UNC13B: variants seen among roughly 807,000 people sequenced by gnomAD.
UNC13B encodes the protein unc-13 homolog B, also known as protein unc-13 homolog B.
In UNC13B, 144 loss-of-function variants were observed where a neutral mutation model predicts 211.0. The observed-to-expected ratio is 0.68, with a 90% confidence interval of 0.60 to 0.78. UNC13B has a LOEUF of 0.78. Ranked by LOEUF, UNC13B falls within the 30% of genes least tolerant of loss-of-function variation. The pLI is 0.00. For missense variants in UNC13B, 1,777 were observed against 2,002.0 expected, an observed-to-expected ratio of 0.89 and a Z score of 2.14; for synonymous variants, 709 against 725.8, an observed-to-expected ratio of 0.98 and a Z score of 0.37.
Position 35,236,529 on chromosome 9 carries a change from G to A in UNC13B, c.213G>A (p.Trp71Ter). ...AGGTATGGAACAAAGGACTGATCTG[G>A]GACACCATGGTGGGGACTGTGTGGA... ...SVEVWNKGLI[W>*]DTMVGTVWIA... The change falls in exon 4 of 40, where the codon TGG becomes TGA. Residue 71 changes from tryptophan (W) to a stop codon, truncating the protein, a stop_gained. Coordinates refer to ENST00000635942, the MANE Select transcript of UNC13B (RefSeq NM_001371189.2). LOFTEE classifies it high-confidence loss of function. The A allele has an allele frequency of 1.2e-6, 2 of 1,614,068 alleles. No individual in the cohort carries two copies. The highest frequency in any genetic ancestry group is 1.7e-6 in the Non-Finnish European group (2 of 1,179,986).
At chr9:35,228,703 AGTGTGTGTGTGT>A (rs56971215) in intron 2 of UNC13B, among the ~76,000 whole-genome samples, 4,628 of 140,528 alleles carry the variant, frequency 0.033, 87 homozygotes, top group Non-Finnish European at 0.043. Context: ...ACATCATGAA[AGTGTGTGTGTGT>A]GTGTGTGTGT....
chr9:35,396,726 G>A, intron 27 of UNC13B, 115 bp from the exon 28 acceptor site: 2 of 1,598,638 alleles, frequency 1.3e-6, no homozygotes, highest in Non-Finnish European at 1.7e-6. Flanking sequence ...CGTAGACAAA[G>A]AAAAGTGTTA....
chr9:35,267,058 A>G (rs1827619928), intron 7 of UNC13B, among the ~76,000 whole-genome samples: 1 of 152,228 alleles, frequency 6.6e-6, no homozygotes, highest in African/African-American at 2.4e-5. Context: ...AGAGAAATGC[A>G]AGAGAATGAG....
chr9:35,195,699 T>C (rs1275554594), intron 1 of UNC13B, among the ~76,000 whole-genome samples: 1 of 152,246 alleles, frequency 6.6e-6, no homozygotes, highest in Non-Finnish European at 1.5e-5. Context: ...CAGAGGGCCA[T>C]ACTGGCCCTG....
intron 8 of UNC13B, among the ~76,000 whole-genome samples, chr9:35,296,612 A>T (rs1490602082): frequency 6.6e-6 from 1 of 152,226 alleles, no homozygotes; most frequent in Non-Finnish European, 1.5e-5. Flanking sequence ...AGATTAAAAA[A>T]AATTTCAGAC....
At chr9:35,296,541 T>TTG (rs1829368182) in intron 8 of UNC13B, among the ~76,000 whole-genome samples, 1 of 152,212 alleles carries the variant, frequency 6.6e-6, no homozygotes, top group African/African-American at 2.4e-5. Flanking sequence ...TTCCATAGAC[T>TTG]GTTGTCATAT....
At chr9:35,178,732 A>G (rs1350264523) in intron 1 of UNC13B, among the ~76,000 whole-genome samples, 1 of 151,770 alleles carries the variant, frequency 6.6e-6, no homozygotes, top group Non-Finnish European at 1.5e-5. Context: ...CTCTGCTAAA[A>G]ATACTAAAAT....
intron 7 of UNC13B, among the ~76,000 whole-genome samples, chr9:35,287,368 G>T (rs1828857706): frequency 6.6e-6 from 1 of 151,970 alleles, no homozygotes; most frequent in East Asian, 1.9e-4. Context: ...CTGACCTCAG[G>T]TGATCTGCCC....
chr9:35,268,759 C>G (rs1827715401), intron 7 of UNC13B, among the ~76,000 whole-genome samples: 1 of 152,152 alleles, frequency 6.6e-6, no homozygotes, highest in South Asian at 2.1e-4. Context: ...TTCCAGATCT[C>G]TTTGTTGCAA....
intron 1 of UNC13B, among the ~76,000 whole-genome samples, chr9:35,174,998 A>G (rs1821544797): frequency 6.6e-6 from 1 of 151,920 alleles, no homozygotes; most frequent in Admixed American, 6.6e-5. Context: ...AGGTTTTGCC[A>G]TGTGGCTGAG....
chr9:35,351,951 T>C, intron 11 of UNC13B: 1 of 1,232,216 alleles, frequency 8.1e-7, no homozygotes, highest in Non-Finnish European at 1.0e-6. Flanking sequence ...TTGGGGGATG[T>C]AGTAGAATAC....
intron 7 of UNC13B, among the ~76,000 whole-genome samples, chr9:35,273,037 TATAA>T (rs1187209382): frequency 6.6e-6 from 1 of 152,244 alleles, no homozygotes; most frequent in East Asian, 1.9e-4. Context: ...CAGTATTGCC[TATAA>T]TTAGTGATCT....
chr9:35,276,519 T>G (rs1331828265), intron 7 of UNC13B, among the ~76,000 whole-genome samples: 2 of 152,190 alleles, frequency 1.3e-5, no homozygotes, highest in Non-Finnish European at 2.9e-5. Context: ...GTTAGTTTCC[T>G]CACTAATTTT....
chr9:35,381,625 G>A lies in UNC13B; in HGVS notation c.10561G>A (p.Asp3521Asn), dbSNP rs779807142. 19 of 1,614,092 alleles carry A rather than the reference G, an allele frequency of 1.2e-5. No individual in the cohort carries two copies. Among genetic ancestry groups the A allele is most frequent in the Admixed American group, 3.3e-5 (2 of 60,004 alleles). Residue 3521 changes from aspartate (D) to asparagine (N), a missense_variant, in exon 20 of 40, where the codon GAT becomes AAT. Transcript: ENST00000635942. ...GVRIPEARGD[D>N]AWKVYFDETA... ...CCGCATCCCTGAAGCTCGAGGAGAC[G>A]ATGCCTGGAAGGTGTACTTTGATGA...
chr9:35,195,578 T>C (rs544496113), intron 1 of UNC13B, among the ~76,000 whole-genome samples: 5 of 152,238 alleles, frequency 3.3e-5, no homozygotes, highest in Non-Finnish European at 7.3e-5. Flanking sequence ...ATAGCTGTTT[T>C]GTTAAATCTT....
intron 6 of UNC13B, among the ~76,000 whole-genome samples, chr9:35,245,921 G>A (rs369528370): frequency 4.2e-4 from 64 of 152,122 alleles, no homozygotes; most frequent in Admixed American, 4.0e-3. Flanking sequence ...CTGAGGAATC[G>A]CCACACTGTA....
intron 1 of UNC13B, among the ~76,000 whole-genome samples, chr9:35,207,939 A>G (rs1011675312): frequency 1.3e-5 from 2 of 152,214 alleles, no homozygotes; most frequent in Non-Finnish European, 2.9e-5. Flanking sequence ...AAGAGTTTGT[A>G]TACTTTCAGC....
rs371689397 is a variant in UNC13B at position 35,403,797 on chromosome 9, G to A, written c.12787G>A (p.Val4263Met). Residue 4263 changes from valine (V) to methionine (M), a missense_variant, in exon 40 of 40, where the codon GTG (valine) becomes ATG (methionine). By Grantham distance (21) the Val-to-Met change is conservative. Transcript: ENST00000635942. ...GPESYELQICVKDYCFAREDR... is the reference protein window; with the variant it reads ...GPESYELQICMKDYCFAREDR... Reference sequence around the variant, plus strand: ...CGAGTCCTATGAGTTGCAGATATGCGTGAAGGATTACTGCTTTGCCCGGGA... The same window carrying A: ...CGAGTCCTATGAGTTGCAGATATGCATGAAGGATTACTGCTTTGCCCGGGA... The A allele has an allele frequency of 7.4e-5, 120 of 1,614,048 alleles. No homozygotes were observed. Among genetic ancestry groups the A allele is most frequent in the Middle Eastern group, 1.6e-4 (1 of 6,084 alleles).
At chr9:35,174,577 T>C (rs2131273259) in intron 1 of UNC13B, among the ~76,000 whole-genome samples, 1 of 149,798 alleles carries the variant, frequency 6.7e-6, no homozygotes, top group East Asian at 2.0e-4. Context: ...AGACAGAGTC[T>C]CACTCTGTTG....
Sources: gnomAD v4.1 joint callset for allele counts (sites outside exome capture counted in the v4.1 genomes callset) on GRCh38, gnomAD v4.1.1 for gene constraint, MANE v1.5 for transcripts, NCBI Gene and HGNC (gene_info 2026-07-23, HGNC 2026-07-21) for gene names.